KIAA1549: variants seen among roughly 807,000 people sequenced by gnomAD.
The protein encoded by KIAA1549 is UPF0606 protein KIAA1549.
A neutral mutation model predicts 156.4 loss-of-function variants in KIAA1549; 70 were observed. The observed-to-expected ratio is 0.45, with a 90% CI of 0.37 to 0.55. The LOEUF is 0.55. Among genes scored for constraint, KIAA1549 ranks in the 20% least tolerant of loss-of-function variants. KIAA1549 has a pLI of 0.00. For missense variants in KIAA1549, 2,428 were observed against 2,540.9 expected, an observed-to-expected ratio of 0.96 and a Z score of 0.96; for synonymous variants, 1,103 against 1,066.4, an observed-to-expected ratio of 1.03 and a Z score of -0.67.
chr7:138,973,402 T>C (rs149822528), intron 1 of KIAA1549, among the ~76,000 whole-genome samples: 172 of 152,330 alleles, frequency 1.1e-3, no homozygotes, highest in Middle Eastern at 3.4e-3. Context: ...AACAGTTTGG[T>C]ACAGTAGCAT....
chr7:138,841,347 CA>C (rs1414308836), intron 18 of KIAA1549, among the ~76,000 whole-genome samples: 1 of 152,072 alleles, frequency 6.6e-6, no homozygotes, highest in Non-Finnish European at 1.5e-5. Flanking sequence ...AGCCACAAGA[CA>C]ATTAAAACCA....
chr7:138,967,085 T>C (rs187238531), intron 1 of KIAA1549, among the ~76,000 whole-genome samples: 2 of 152,206 alleles, frequency 1.3e-5, no homozygotes, highest in Non-Finnish European at 2.9e-5. Context: ...GAGTAACACA[T>C]GATATCATTA....
In KIAA1549 at chr7:138,981,159, G is replaced by T. The variant is rs1814536604; in HGVS notation, c.111C>A (p.Ala37=). ...GCAGCAGCCCCGGGCGGCGGCGGCG[G>T]GCGCAGCGGGCGGAAGGCCGTCGGC... ...PSGRRPSARC[A]RRRRPGLLLP... is the part of the protein sequence containing the mutation. The change falls in exon 1 of 20, where the codon GCC becomes GCA. Residue 37 remains alanine, a synonymous_variant. Coordinates refer to ENST00000422774, the MANE Select transcript of KIAA1549 (RefSeq NM_001164665.2). This position sits in a 1 kb window ranked among gnomAD's most constrained non-coding sequence, Gnocchi z 4.5. 1.7e-6 allele frequency: 2 copies of T among 1,182,920 alleles called. No individual in the cohort carries two copies. The highest frequency in any genetic ancestry group is 4.2e-5 in the South Asian group (1 of 23,898). The allele number at this position is 1,182,920 out of a possible 1,614,324, so 73.3% of individuals were successfully genotyped here.
Position 138,928,607 on chromosome 7 carries a change from A to G in KIAA1549, c.188-9169T>C, listed in dbSNP as rs147016936. 1.3e-3 allele frequency among the ~76,000 whole-genome samples: 197 copies of G among 152,362 alleles called. 4 individuals carry two copies. The East Asian group carries it at 0.035, about 27-fold the overall frequency. On this transcript the variant is annotated intron_variant, in intron 1 of 19. Transcript: ENST00000422774. ...CAGCCTAAAGGCATTCTTGATGTAT[A>G]AATACACCTTTGTTGCAGGTTTGGT...
intron 2 of KIAA1549, among the ~76,000 whole-genome samples, chr7:138,916,494 T>C (rs1235419772): frequency 1.3e-5 from 2 of 152,242 alleles, no homozygotes; most frequent in African/African-American, 4.8e-5. Context: ...CTAACGCATT[T>C]ACATCTGAAC....
rs1230589672 is a variant in KIAA1549 at position 138,879,614 on chromosome 7, C to A, written c.4269G>T (p.Glu1423Asp). Residue 1423 changes from glutamate (E) to aspartate (D), a missense_variant, in exon 12 of 20, where the codon GAG becomes GAT. By Grantham distance (45) the Glu-to-Asp change is conservative. This residue lies in a region of KIAA1549 where 404 missense variants were observed against 417.0 expected (regional missense o/e 0.97). Coordinates refer to ENST00000422774, the MANE Select transcript of KIAA1549 (RefSeq NM_001164665.2). ...PSDADSTVSEESSERDAGDKT... is the reference protein window; with the variant it reads ...PSDADSTVSEDSSERDAGDKT... ...TATCTCCTGCGTCCCTCTCGCTGGA[C>A]TCTTCACTGACCGTAGAGTCAGCAT... is the stretch of plus-strand genomic sequence containing the variant. 1 of 1,562,430 alleles carries A rather than the reference C, an allele frequency of 6.4e-7. No individual in the cohort carries two copies. Among genetic ancestry groups the A allele is most frequent in the Admixed American group, 1.9e-5 (1 of 52,896 alleles).
intron 1 of KIAA1549, among the ~76,000 whole-genome samples, chr7:138,921,775 G>A (rs560930527): frequency 6.6e-6 from 1 of 152,278 alleles, no homozygotes; most frequent in African/African-American, 2.4e-5. Flanking sequence ...TGAGGCAGGA[G>A]AATCGCTTGA....
chr7:138,832,474 G>C lies in KIAA1549; in HGVS notation c.*5432C>G, dbSNP rs763871184. 2 of 194,876 alleles carry C rather than the reference G, an allele frequency of 1.0e-5. No homozygotes were observed. Among genetic ancestry groups the C allele is most frequent in the African/African-American group, 4.6e-5 (2 of 43,226 alleles). The allele number at this position is 194,876 out of a possible 1,614,324, so 12.1% of individuals were successfully genotyped here. On this transcript the variant is annotated 3_prime_UTR_variant, in exon 20 of 20. Coordinates refer to ENST00000422774, the MANE Select transcript of KIAA1549 (RefSeq NM_001164665.2). Reference sequence around the variant, plus strand: ...TCAGCCTCCCAAAGCGTTGAGATTAGAGGCTTGAGCCACCATGCCCAGCCT... The same window carrying C: ...TCAGCCTCCCAAAGCGTTGAGATTACAGGCTTGAGCCACCATGCCCAGCCT...
intron 1 of KIAA1549, among the ~76,000 whole-genome samples, chr7:138,973,573 A>G (rs1400236801): frequency 2.6e-5 from 4 of 152,080 alleles, no homozygotes; most frequent in Non-Finnish European, 4.4e-5. Flanking sequence ...TGCCTTGTCT[A>G]CTAACTCTCC....
chr7:138,860,808 A>ACGGTTACCCCACCTCCATTC (rs368547536), intron 16 of KIAA1549, among the ~76,000 whole-genome samples: 1,717 of 152,196 alleles, frequency 0.011, 36 homozygotes, highest in African/African-American at 0.04. Flanking sequence ...AATACATTTG[A>ACGGTTACCCCACCTCCATTC]CGGTTACCCC....
chr7:138,852,406 G>C lies in KIAA1549; in HGVS notation c.5248-137C>G, dbSNP rs1007951045. On this transcript the variant is annotated intron_variant, in intron 16 of 19. Transcript: ENST00000422774. ...TCTCATTAAAACTTAGCATGTTACC[G>C]GGCACTCTGCCACCAAGTGATGCTA... The C allele has an allele frequency of 8.4e-5, 51 of 608,030 alleles. No homozygotes were observed. The African/African-American group carries it at 8.7e-4, about 10-fold the overall frequency. 37.7% of individuals were successfully genotyped at this position (608,030 alleles called of 1,614,324 possible).
chr7:138,880,384 T>C (rs150544196), intron 11 of KIAA1549, among the ~76,000 whole-genome samples: 3 of 152,380 alleles, frequency 2.0e-5, no homozygotes, highest in African/African-American at 7.2e-5. Flanking sequence ...TGATTCCATT[T>C]ATTCTTAGCC....
intron 7 of KIAA1549, among the ~76,000 whole-genome samples, chr7:138,904,075 A>G (rs1019814638): frequency 2.0e-5 from 3 of 152,208 alleles, no homozygotes; most frequent in Admixed American, 2.0e-4. Flanking sequence ...AAGGGCGCCT[A>G]CGCAAGATCA....
rs938906388 is a variant in KIAA1549 at position 138,981,187 on chromosome 7, C to G, written c.83G>C (p.Ser28Thr). The change falls in exon 1 of 20, where the codon AGC (serine) becomes ACC (threonine). Residue 28 changes from serine (S) to threonine (T), a missense_variant. This residue lies in a region of KIAA1549 where 893 missense variants were observed against 847.9 expected (regional missense o/e 1.05). Transcript: ENST00000422774. This position sits in a 1 kb window ranked among gnomAD's most constrained non-coding sequence, Gnocchi z 4.5. ...GCAGCGGGCGGAAGGCCGTCGGCCG[C>G]TCGGCCCCGGGGCCAGCGCGACCCC... is the stretch of plus-strand genomic sequence containing the variant. ...RAGVALAPGP[S>T]GRRPSARCAR... is the part of the protein sequence containing the mutation. The G allele has an allele frequency of 9.0e-7, 1 of 1,111,230 alleles. No individual in the cohort carries two copies. Among genetic ancestry groups the G allele is most frequent in the African/African-American group, 1.7e-5 (1 of 60,068 alleles). The allele number at this position is 1,111,230 out of a possible 1,614,324, so 68.8% of individuals were successfully genotyped here. A position where few individuals can be genotyped will look rare whatever the true frequency, so the allele number is the denominator to read the frequency against.
chr7:138,917,195 G>A lies in KIAA1549; in HGVS notation c.2431C>T (p.Pro811Ser), dbSNP rs1397896933. ...ESSLFSTLTP[P>S]DDQISALDGH... ...TCTAGAGCACTGATTTGGTCGTCAG[G>A]AGGTGTCAGAGTTGAGAACAAAGAA... Residue 811 changes from proline (P) to serine (S), a missense_variant, in exon 2 of 20, where the codon CCT becomes TCT. This residue lies in a region of KIAA1549 where 762 missense variants were observed against 901.6 expected (regional missense o/e 0.85). Transcript: ENST00000422774. 6.2e-7 allele frequency: 1 copy of A among 1,613,966 alleles called. No homozygotes were observed. The highest frequency in any genetic ancestry group is 8.5e-7 in the Non-Finnish European group (1 of 1,179,892).
At chr7:138,909,685 G>A (rs750561204) in intron 4 of KIAA1549, among the ~76,000 whole-genome samples, 1 of 152,120 alleles carries the variant, frequency 6.6e-6, no homozygotes, top group Non-Finnish European at 1.5e-5. Context: ...AGCGGCTCAC[G>A]CCTGTAATTC....
intron 18 of KIAA1549, among the ~76,000 whole-genome samples, chr7:138,841,392 G>A (rs1483321229): frequency 6.6e-6 from 1 of 152,100 alleles, no homozygotes; most frequent in African/African-American, 2.4e-5. Flanking sequence ...TGAGCTGATG[G>A]CAGAGCCAGA....
intron 17 of KIAA1549, among the ~76,000 whole-genome samples, chr7:138,845,100 T>G (rs1026797901): frequency 6.6e-6 from 1 of 152,220 alleles, no homozygotes; most frequent in African/African-American, 2.4e-5. Context: ...CAAGAGCTTT[T>G]GTTTCTGTGG....
rs543769253 is a variant in KIAA1549, at chr7:138,955,114, G to A, written c.187+25969C>T. Among the ~76,000 whole-genome samples, 54 of 152,264 alleles carry A rather than the reference G, an allele frequency of 3.5e-4. 1 individual carries two copies. In the South Asian group the frequency reaches 1.0e-2, roughly 28 times the overall value. Reference sequence around the variant, plus strand: ...TGTGCCAGAGACACCACTAGATTTCGAGGAAACTGAGGTGAGTCAAACACT... The same window carrying A: ...TGTGCCAGAGACACCACTAGATTTCAAGGAAACTGAGGTGAGTCAAACACT... On this transcript the variant is annotated intron_variant, in intron 1 of 19. Transcript: ENST00000422774.
Sources: gnomAD v4.1 joint callset for allele counts (sites outside exome capture counted in the v4.1 genomes callset) on GRCh38, gnomAD v4.1.1 for gene constraint, gnomAD v4.1.1 regional missense constraint, Gnocchi (gnomAD v3.1) non-coding constraint, MANE v1.5 for transcripts, NCBI Gene and HGNC (gene_info 2026-07-23, HGNC 2026-07-21) for gene names.